Variants in ANKRD7 observed in about 807,000 individuals in gnomAD.
The protein encoded by ANKRD7 is ankyrin repeat domain-containing protein 7.
In ANKRD7, 30 loss-of-function variants were observed where a neutral mutation model predicts 30.8. The ratio of observed to expected loss-of-function variants is 0.97; its 90% CI spans 0.73 to 1.32. The LOEUF is 1.32. Ranked by LOEUF, ANKRD7 falls within the 40% of genes most tolerant of loss-of-function variation. The pLI is 0.00. For missense variants in ANKRD7, 264 were observed against 295.7 expected (o/e 0.89, Z 0.79); for synonymous variants, 97 against 106.6 (o/e 0.91, Z 0.55).
intron 4 of ANKRD7, 49 bp downstream of exon 4, chr7:118,236,196 T>TTG (rs746241033): frequency 1.7e-5 from 17 of 993,446 alleles, no homozygotes; most frequent in South Asian, 1.5e-4. Flanking sequence ...CCTGATAGGA[T>TTG]TGTGTGTGTG....
chr7:118,234,391 A>C, intron 1 of ANKRD7, 40 bp from the exon 2 acceptor site: 1 of 1,402,350 alleles, frequency 7.1e-7, no homozygotes, highest in Non-Finnish European at 9.8e-7. Context: ...TCTCAAACGA[A>C]GACTTATCTC....
Position 118,224,757 on chromosome 7 carries a change from C to T in ANKRD7, c.-74C>T. Reference sequence around the variant, plus strand: ...GAGGGCTGCCGGCCGGATGCCAGGGCAGAGGGGCAGGGCGGACGGCTAGGA... The same window carrying T: ...GAGGGCTGCCGGCCGGATGCCAGGGTAGAGGGGCAGGGCGGACGGCTAGGA... On this transcript the variant is annotated 5_prime_UTR_variant, in exon 1 of 7. The change creates a premature stop within an existing upstream ORF in the 5' untranslated region. Coordinates refer to ENST00000265224, the MANE Select transcript of ANKRD7 (RefSeq NM_019644.4). 2 of 1,533,028 alleles carry T rather than the reference C, an allele frequency of 1.3e-6. No individual in the cohort carries two copies. The highest frequency in any genetic ancestry group is 1.7e-6 in the Non-Finnish European group (2 of 1,145,224). The allele number at this position is 1,533,028 out of a possible 1,614,324, so 95.0% of individuals were successfully genotyped here. A position where few individuals can be genotyped will look rare whatever the true frequency, so the allele number is the denominator to read the frequency against.
At chr7:118,228,826 T>A (rs959472984) in intron 1 of ANKRD7, among the ~76,000 whole-genome samples, 1 of 152,220 alleles carries the variant, frequency 6.6e-6, no homozygotes. Flanking sequence ...GCCACCATTA[T>A]GTCTTACCTA....
intron 1 of ANKRD7, among the ~76,000 whole-genome samples, chr7:118,227,150 A>AT (rs964504724): frequency 4.6e-5 from 7 of 151,048 alleles, no homozygotes; most frequent in African/African-American, 9.7e-5. Context: ...ACTTCTACAG[A>AT]TTTTTTTTTG....
At chr7:118,229,708 T>C (rs1283510678) in intron 1 of ANKRD7, among the ~76,000 whole-genome samples, 1 of 152,012 alleles carries the variant, frequency 6.6e-6, no homozygotes, top group East Asian at 1.9e-4. Flanking sequence ...AAAAGCACTG[T>C]AGCATACAGG....
intron 3 of ANKRD7, 124 bp downstream of exon 3, chr7:118,234,998 G>A: frequency 3.9e-6 from 3 of 764,032 alleles, no homozygotes; most frequent in East Asian, 3.1e-5. Context: ...CTAAAATTGG[G>A]GAGAAAGAGA....
intron 6 of ANKRD7, among the ~76,000 whole-genome samples, 153 bp downstream of exon 6, chr7:118,240,151 TTTTATTTA>T (rs374989049): frequency 4.6e-5 from 7 of 152,066 alleles, no homozygotes; most frequent in South Asian, 2.1e-4. Flanking sequence ...AACTATTCTT[TTTTATTTA>T]TTTATTTATT....
intron 6 of ANKRD7, among the ~76,000 whole-genome samples, chr7:118,241,113 C>T (rs982147498): frequency 2.0e-4 from 28 of 139,420 alleles, no homozygotes; most frequent in Admixed American, 7.0e-4. Context: ...GAGATTGCGC[C>T]ACTGCAGTCC....
chr7:118,241,753 G>A (rs1291809893), intron 6 of ANKRD7, among the ~76,000 whole-genome samples: 1 of 151,790 alleles, frequency 6.6e-6, no homozygotes, highest in Non-Finnish European at 1.5e-5. Flanking sequence ...TTGCCAGGCT[G>A]GTCTCGAACT....
In ANKRD7 at chr7:118,224,823, G is replaced by A; in HGVS notation, c.-8G>A. On this transcript the variant is annotated 5_prime_UTR_variant, in exon 1 of 7. Coordinates refer to ENST00000265224, the MANE Select transcript of ANKRD7 (RefSeq NM_019644.4). ...TGGTCTGAGGGAAAGGCTGCAGCCTGCACCGCCATGAATAAGCTTTTCAGC... is the reference window on the plus strand; with the variant it reads ...TGGTCTGAGGGAAAGGCTGCAGCCTACACCGCCATGAATAAGCTTTTCAGC... 3 of 1,609,922 alleles carry A rather than the reference G, an allele frequency of 1.9e-6. No homozygotes were observed. The highest frequency in any genetic ancestry group is 2.5e-6 in the Non-Finnish European group (3 of 1,178,668).
At chr7:118,234,599 A>AT in intron 2 of ANKRD7, 54 bp downstream of exon 2, 1 of 1,552,972 alleles carries the variant, frequency 6.4e-7, no homozygotes, top group South Asian at 1.2e-5. Context: ...CTCCTAGTTA[A>AT]TTTTTGTTGA....
At chr7:118,232,386 T>C (rs965759582) in intron 1 of ANKRD7, among the ~76,000 whole-genome samples, 46 of 152,046 alleles carry the variant, frequency 3.0e-4, no homozygotes, top group African/African-American at 1.1e-3. Context: ...AGATTGACGG[T>C]TTGAGTGAAT....
chr7:118,230,790 T>G (rs1809623848), intron 1 of ANKRD7, among the ~76,000 whole-genome samples: 1 of 151,940 alleles, frequency 6.6e-6, no homozygotes, highest in South Asian at 2.1e-4. Flanking sequence ...GAACTATTTG[T>G]TTTGTTTGAA....
At position 118,236,894 on chromosome 7, in the gene ANKRD7, T is replaced by C; in HGVS notation, c.680T>C (p.Leu227Pro). ...LCYEGIVDSQ[L>P]RNMFISMVLL... ...TACGAAGGTATTGTGGATTCACAGCTGAGGAATATGTTTATTTCCATGGTT... is the reference window on the plus strand; with the variant it reads ...TACGAAGGTATTGTGGATTCACAGCCGAGGAATATGTTTATTTCCATGGTT... Residue 227 changes from leucine (L) to proline (P), a missense_variant, in exon 5 of 7, where the codon CTG (leucine) becomes CCG (proline). Physicochemically the swap from Leu to Pro is moderately conservative, Grantham distance 98. Coordinates refer to ENST00000265224, the MANE Select transcript of ANKRD7 (RefSeq NM_019644.4). 1 of 1,614,020 alleles carries C rather than the reference T, an allele frequency of 6.2e-7. No homozygotes were observed. Among genetic ancestry groups the C allele is most frequent in the Non-Finnish European group, 8.5e-7 (1 of 1,179,898 alleles).
rs757064206 is a variant in ANKRD7 at position 118,225,017 on chromosome 7, G to T, written c.179+8G>T. 7 of 1,613,206 alleles carry T rather than the reference G, an allele frequency of 4.3e-6. No individual in the cohort carries two copies. Among genetic ancestry groups the T allele is most frequent in the African/African-American group, 1.3e-5 (1 of 74,828 alleles). ...GCAGGACAAAAAATACAGGTGACCA[G>T]ACTGAAGAGCCAGCGCGGGAGGACG... On this transcript the variant is annotated splice_region_variant and intron_variant, in intron 1 of 6. Transcript: ENST00000265224.
At chr7:118,229,134 A>G (rs1562871837) in intron 1 of ANKRD7, among the ~76,000 whole-genome samples, 1 of 152,110 alleles carries the variant, frequency 6.6e-6, no homozygotes, top group South Asian at 2.1e-4. Context: ...AATGCAAGAC[A>G]TGCATTTAGG....
intron 5 of ANKRD7, among the ~76,000 whole-genome samples, chr7:118,237,797 T>C (rs1809754982): frequency 6.6e-6 from 1 of 152,058 alleles, no homozygotes; most frequent in Admixed American, 6.5e-5. Flanking sequence ...GTAAATATAA[T>C]ATTTTCATCT....
intron 2 of ANKRD7, 47 bp downstream of exon 2, chr7:118,234,592 C>A (rs774528541): frequency 1.3e-6 from 2 of 1,558,420 alleles, no homozygotes; most frequent in Non-Finnish European, 8.7e-7. Context: ...TTGAGTTCTC[C>A]TAGTTAATTT....
At chr7:118,234,367 TA>T in intron 1 of ANKRD7, 63 bp from the exon 2 acceptor site, 2 of 1,118,110 alleles carry the variant, frequency 1.8e-6, no homozygotes, top group Non-Finnish European at 2.6e-6. Flanking sequence ...TGTTTTTGGG[TA>T]AAACAAGTAA....
Sources: gnomAD v4.1 joint callset for allele counts (sites outside exome capture counted in the v4.1 genomes callset) on GRCh38, gnomAD v4.1.1 for gene constraint, MANE v1.5 for transcripts, NCBI Gene and HGNC (gene_info 2026-07-23, HGNC 2026-07-21) for gene names.